Variants in NTM observed in about 807,000 individuals in gnomAD.
The protein encoded by NTM is neurotrimin.
In NTM, 13 loss-of-function variants were observed where a neutral mutation model predicts 42.1. That is an observed-to-expected ratio of 0.31 (90% confidence interval 0.20 to 0.49). The LOEUF is 0.49. Ranked by LOEUF, NTM falls within the 20% of genes least tolerant of loss-of-function variation. The pLI is 0.99. For missense variants in NTM, 373 were observed against 452.8 expected (o/e 0.82, Z 1.60); for synonymous variants, 187 against 179.2 (o/e 1.04, Z -0.35).
At chr11:131,401,855 TA>T (rs1945275704) in intron 1 of NTM, among the ~76,000 whole-genome samples, 5 of 106,612 alleles carry the variant, frequency 4.7e-5, no homozygotes, top group African/African-American at 6.9e-5. Flanking sequence ...TATATATATA[TA>T]TATATTTTAA....
intron 1 of NTM, among the ~76,000 whole-genome samples, chr11:131,375,037 G>A (rs891673071): frequency 2.6e-4 from 40 of 152,180 alleles, no homozygotes; most frequent in African/African-American, 9.7e-4. Flanking sequence ...CTCTCTTGCT[G>A]CAGCAGAGAT....
chr11:131,564,446 GAGAGAGAGA>G (rs2056623199), intron 1 of NTM, among the ~76,000 whole-genome samples: 2 of 124,258 alleles, frequency 1.6e-5, no homozygotes, highest in East Asian at 5.6e-4. Flanking sequence ...TGGGTAGGGG[GAGAGAGAGA>G]GGGAGGGAGA....
At chr11:131,815,645 C>G (rs2092921806) in intron 1 of NTM, among the ~76,000 whole-genome samples, 1 of 152,160 alleles carries the variant, frequency 6.6e-6, no homozygotes, top group Non-Finnish European at 1.5e-5. Flanking sequence ...TCCTGCTGCC[C>G]GCGCCTCTCC....
At chr11:131,761,194 T>TA (rs2084116919) in intron 1 of NTM, among the ~76,000 whole-genome samples, 1 of 152,220 alleles carries the variant, frequency 6.6e-6, no homozygotes, top group African/African-American at 2.4e-5. Flanking sequence ...TGTTATGCGT[T>TA]ACGGCTTTTT....
In NTM at chr11:131,638,561, T is replaced by C. The variant is rs1247093666; in HGVS notation, c.82+267673T>C. ...AGCCTAGGTGACACAGCGAGACTCCTTCAAAAAAAAAAAAAAAAAAAAAAA... is the reference window on the plus strand; with the variant it reads ...AGCCTAGGTGACACAGCGAGACTCCCTCAAAAAAAAAAAAAAAAAAAAAAA... On this transcript the variant is annotated intron_variant, in intron 1 of 8. Transcript: ENST00000683400. Among the ~76,000 whole-genome samples the C allele has an allele frequency of 6.6e-5, 7 of 106,152 alleles. No individual in the cohort carries two copies. In the Admixed American group the frequency reaches 7.4e-4, roughly 11 times the overall value. The allele number at this position is 106,152 out of a possible 152,430, so 69.6% of individuals were successfully genotyped here. A position where few individuals can be genotyped will look rare whatever the true frequency, so the allele number is the denominator to read the frequency against.
At chr11:132,187,379 C>A (rs1433986218) in intron 3 of NTM, among the ~76,000 whole-genome samples, 1 of 152,168 alleles carries the variant, frequency 6.6e-6, no homozygotes, top group Admixed American at 6.6e-5. Context: ...TTAGTTAGCA[C>A]CAATATAGTG....
chr11:131,570,789 C>G (rs529911791), intron 1 of NTM, among the ~76,000 whole-genome samples: 2 of 152,244 alleles, frequency 1.3e-5, no homozygotes, highest in Non-Finnish European at 1.5e-5. Flanking sequence ...CGCCACTGCA[C>G]TCCAGCCTGG....
chr11:131,911,308 G>T, intron 1 of NTM: 1 of 1,441,506 alleles, frequency 6.9e-7, no homozygotes, highest in Non-Finnish European at 9.1e-7. Context: ...ATTTGGGGGA[G>T]GAATATTAGA....
intron 1 of NTM, among the ~76,000 whole-genome samples, chr11:131,510,740 T>C (rs1215598122): frequency 6.6e-6 from 1 of 152,246 alleles, no homozygotes; most frequent in African/African-American, 2.4e-5. Flanking sequence ...CCCATCTCTT[T>C]CTGTCTGCTC....
chr11:132,320,515 C>CG (rs1401133892), intron 7 of NTM, among the ~76,000 whole-genome samples: 1 of 152,332 alleles, frequency 6.6e-6, no homozygotes, highest in Admixed American at 6.5e-5. Context: ...CCAGCTGGCT[C>CG]GGAGGGTCCT....
intron 3 of NTM, among the ~76,000 whole-genome samples, chr11:132,196,553 G>T (rs567003904): frequency 1.3e-5 from 2 of 152,256 alleles, no homozygotes; most frequent in South Asian, 2.1e-4. Context: ...ATGCCCATCA[G>T]TGGTGGACTG....
rs5023862 is a variant in NTM at position 131,486,875 on chromosome 11, G to A, written c.82+115987G>A. Among the ~76,000 whole-genome samples, 10 of 152,202 alleles carry A rather than the reference G, an allele frequency of 6.6e-5. No individual in the cohort carries two copies. The South Asian group carries it at 1.5e-3, about 22-fold the overall frequency. On this transcript the variant is annotated intron_variant, in intron 1 of 8. Coordinates refer to ENST00000683400, the MANE Select transcript of NTM (RefSeq NM_001352005.2). ...CCCTCTTAGGAAGCAGACGAATAGCGGGATGCCAGCCCTGGATGGACCATA... is the reference window on the plus strand; with the variant it reads ...CCCTCTTAGGAAGCAGACGAATAGCAGGATGCCAGCCCTGGATGGACCATA...
intron 1 of NTM, among the ~76,000 whole-genome samples, chr11:131,778,052 C>A (rs2087367969): frequency 6.6e-6 from 1 of 152,206 alleles, no homozygotes; most frequent in Non-Finnish European, 1.5e-5. Flanking sequence ...ACTGATAAGA[C>A]TGTCATTACA....
intron 1 of NTM, among the ~76,000 whole-genome samples, chr11:131,817,759 C>T (rs779270378): frequency 6.6e-5 from 10 of 152,228 alleles, no homozygotes; most frequent in Non-Finnish European, 1.3e-4. Flanking sequence ...TGTCCAGCAC[C>T]GTGAAGTTGG....
At chr11:131,615,434 C>T (rs918996604) in intron 1 of NTM, among the ~76,000 whole-genome samples, 2 of 152,098 alleles carry the variant, frequency 1.3e-5, no homozygotes, top group Non-Finnish European at 2.9e-5. Context: ...GGTGCAATCT[C>T]GGTTCACTGA....
At chr11:132,108,510 A>C (rs1403485584) in intron 2 of NTM, among the ~76,000 whole-genome samples, 1 of 152,054 alleles carries the variant, frequency 6.6e-6, no homozygotes, top group Non-Finnish European at 1.5e-5. Context: ...AGAATGATAC[A>C]ATGGACTCTG....
chr11:132,256,114 G>A (rs975841166), intron 4 of NTM, among the ~76,000 whole-genome samples: 1 of 152,130 alleles, frequency 6.6e-6, no homozygotes, highest in African/African-American at 2.4e-5. Context: ...TATGCAGAGG[G>A]TGGGCTCCTA....
At chr11:132,320,836 G>C (rs541068505) in intron 7 of NTM, among the ~76,000 whole-genome samples, 1 of 151,542 alleles carries the variant, frequency 6.6e-6, no homozygotes, top group Non-Finnish European at 1.5e-5. Flanking sequence ...TCTGAGAACG[G>C]GCAGACTGCC....
intron 1 of NTM, among the ~76,000 whole-genome samples, chr11:131,588,995 A>G (rs1268993281): frequency 6.6e-6 from 1 of 152,200 alleles, no homozygotes; most frequent in East Asian, 1.9e-4. Context: ...GTGGAGCCTC[A>G]CGCTGCAGAG....
Sources: allele counts gnomAD v4.1 joint callset (sites outside exome capture counted in the v4.1 genomes callset), GRCh38; gene constraint gnomAD v4.1.1; transcripts MANE v1.5; gene names NCBI Gene and HGNC (gene_info 2026-07-23, HGNC 2026-07-21).